Variants in RYR3 observed in about 807,000 individuals in gnomAD.
RYR3 encodes the protein ryanodine receptor 3, also known as brain ryanodine receptor-calcium release channel.
RYR3 carries 207 observed loss-of-function variants against 584.3 expected under a neutral mutation model. That is an observed-to-expected ratio of 0.35 (90% confidence interval 0.32 to 0.40). The LOEUF is 0.40. Among genes scored for constraint, RYR3 ranks in the 10% least tolerant of loss-of-function variants. The probability of loss-of-function intolerance (pLI) is 1.00; values close to 1 mark genes in which losing one functional copy is unlikely to be tolerated. For synonymous variants in RYR3, 2,416 were observed against 2,248.5 expected (o/e 1.07, Z -2.11); for missense variants, 5,616 against 6,089.2 (o/e 0.92, Z 2.59).
chr15:33,671,492 T>A (rs2063832310), intron 38 of RYR3, among the ~76,000 whole-genome samples: 1 of 152,190 alleles, frequency 6.6e-6, no homozygotes, highest in South Asian at 2.1e-4. Flanking sequence ...ACCTTTCAAC[T>A]TTGTCAGAAT....
intron 10 of RYR3, among the ~76,000 whole-genome samples, chr15:33,553,028 T>C (rs892771): frequency 0.87 from 131,772 of 152,114 alleles, 57,673 homozygotes; most frequent in Middle Eastern, 0.98. Context: ...TGTGACAGAG[T>C]AGGTGGCAAA....
At chr15:33,690,823 A>T (rs1440565470) in intron 38 of RYR3, among the ~76,000 whole-genome samples, 2 of 152,192 alleles carry the variant, frequency 1.3e-5, no homozygotes, top group Non-Finnish European at 2.9e-5. Context: ...CCAAATTTAA[A>T]ATTAAAATTG....
intron 23 of RYR3, among the ~76,000 whole-genome samples, chr15:33,632,339 C>T (rs2061310912): frequency 2.0e-5 from 3 of 152,216 alleles, no homozygotes; most frequent in Non-Finnish European, 2.9e-5. Context: ...TGCATTTACA[C>T]GATGTGTCTA....
At chr15:33,623,541 G>T (rs1246900131) in intron 19 of RYR3, among the ~76,000 whole-genome samples, 1 of 152,066 alleles carries the variant, frequency 6.6e-6, no homozygotes, top group Non-Finnish European at 1.5e-5. Context: ...AGATAAACTT[G>T]GTTCTAAAAA....
chr15:33,336,714 ATC>A (rs949831207), intron 1 of RYR3, among the ~76,000 whole-genome samples: 20 of 151,670 alleles, frequency 1.3e-4, no homozygotes, highest in African/African-American at 4.1e-4. Flanking sequence ...GTGCAGGGGA[ATC>A]TAAGAATGCC....
chr15:33,677,570 G>T (rs530913206), intron 38 of RYR3, among the ~76,000 whole-genome samples: 1 of 152,202 alleles, frequency 6.6e-6, no homozygotes, highest in Non-Finnish European at 1.5e-5. Context: ...TAGTCTGATG[G>T]ATGAAACCCC....
chr15:33,634,485 C>T lies in RYR3; in HGVS notation c.3028-101C>T, dbSNP rs894723305. ...GAGGGAAGGGCTAATAGACCTAGAG[C>T]GACCAGAAAGCCAGGACTGTTGCTG... On this transcript the variant is annotated intron_variant, in intron 24 of 103. Transcript: ENST00000634891. The T allele has an allele frequency of 2.8e-5, 33 of 1,196,722 alleles. No homozygotes were observed. The African/African-American group carries it at 3.0e-4, about 11-fold the overall frequency. The allele number at this position is 1,196,722 out of a possible 1,614,324, so 74.1% of individuals were successfully genotyped here. A position where few individuals can be genotyped will look rare whatever the true frequency, so the allele number is the denominator to read the frequency against.
intron 35 of RYR3, among the ~76,000 whole-genome samples, 156 bp downstream of exon 35, chr15:33,663,104 A>C (rs1296275449): frequency 1.3e-5 from 2 of 152,190 alleles, no homozygotes; most frequent in Non-Finnish European, 2.9e-5. Flanking sequence ...CTTGTTGTTG[A>C]ATAAGTTCTA....
chr15:33,538,415 G>A (rs1161279852), intron 5 of RYR3, among the ~76,000 whole-genome samples: 1 of 152,086 alleles, frequency 6.6e-6, no homozygotes, highest in African/African-American at 2.4e-5. Flanking sequence ...AGGGAGGGAG[G>A]GAAAGGAGCT....
At chr15:33,690,043 A>G (rs1374569103) in intron 38 of RYR3, among the ~76,000 whole-genome samples, 1 of 152,248 alleles carries the variant, frequency 6.6e-6, no homozygotes, top group African/African-American at 2.4e-5. Flanking sequence ...GAATTGGTGT[A>G]CGTCCTGAGT....
At chr15:33,862,022 A>G (rs1193371931) in intron 102 of RYR3, among the ~76,000 whole-genome samples, 1 of 152,210 alleles carries the variant, frequency 6.6e-6, no homozygotes, top group Non-Finnish European at 1.5e-5. Flanking sequence ...ACTGAATAAC[A>G]AGTTACTTGA....
At chr15:33,786,776 C>T (rs2074748678) in intron 66 of RYR3, among the ~76,000 whole-genome samples, 1 of 152,138 alleles carries the variant, frequency 6.6e-6, no homozygotes, top group South Asian at 2.1e-4. Context: ...GACATGAAAA[C>T]AATGGCTAAG....
At chr15:33,610,428 A>G (rs527574275) in intron 18 of RYR3, among the ~76,000 whole-genome samples, 1 of 152,172 alleles carries the variant, frequency 6.6e-6, no homozygotes, top group Non-Finnish European at 1.5e-5. Context: ...TGGGCTTCTT[A>G]AGAGCACGAG....
intron 1 of RYR3, among the ~76,000 whole-genome samples, chr15:33,428,558 C>G (rs754662106): frequency 1.3e-5 from 2 of 152,150 alleles, no homozygotes; most frequent in Admixed American, 1.3e-4. Context: ...TAAATACCCA[C>G]GTGGAAACAA....
intron 67 of RYR3, among the ~76,000 whole-genome samples, chr15:33,792,525 C>G (rs1350191675): frequency 6.6e-6 from 1 of 152,180 alleles, no homozygotes; most frequent in Non-Finnish European, 1.5e-5. Context: ...AGTTCACCAT[C>G]ATCGCTTCTA....
At chr15:33,643,179 A>G (rs1284280301) in intron 27 of RYR3, among the ~76,000 whole-genome samples, 1 of 152,084 alleles carries the variant, frequency 6.6e-6, no homozygotes, top group African/African-American at 2.4e-5. Flanking sequence ...TATCCTAGGG[A>G]GTGACACCAC....
At chr15:33,663,464 G>A (rs1196846079) in intron 35 of RYR3, 73 bp from the exon 36 acceptor site, 13 of 1,304,248 alleles carry the variant, frequency 1.0e-5, no homozygotes, top group Non-Finnish European at 1.4e-5. Context: ...CAGTGCTACT[G>A]TCTGTAAAAT....
chr15:33,864,347 C>T (rs1018233395), intron 103 of RYR3, among the ~76,000 whole-genome samples, 158 bp downstream of exon 103: 1 of 151,942 alleles, frequency 6.6e-6, no homozygotes, highest in Non-Finnish European at 1.5e-5. Flanking sequence ...AGCCAAAGTC[C>T]TCCTGTTTAT....
chr15:33,553,625 C>T (rs2056851131), intron 10 of RYR3, among the ~76,000 whole-genome samples: 1 of 152,186 alleles, frequency 6.6e-6, no homozygotes, highest in Admixed American at 6.5e-5. Flanking sequence ...TGATCTTGAT[C>T]AAGGTCCTCC....
Sources: allele counts gnomAD v4.1 joint callset (sites outside exome capture counted in the v4.1 genomes callset), GRCh38; gene constraint gnomAD v4.1.1; transcripts MANE v1.5; gene names NCBI Gene and HGNC (gene_info 2026-07-23, HGNC 2026-07-21).